ZNF839: variants seen among roughly 807,000 people sequenced by gnomAD.
ZNF839 encodes the protein renal carcinoma antigen NY-REN-50.
ZNF839 carries 38 observed loss-of-function variants against 56.4 expected under a neutral mutation model. That is an observed-to-expected ratio of 0.67 (90% CI 0.52 to 0.88). The LOEUF is 0.88. Ranked by LOEUF, ZNF839 falls within the 40% of genes least tolerant of loss-of-function variation. The pLI, the probability that ZNF839 is intolerant of heterozygous loss-of-function variation, is 0.00. For missense variants in ZNF839, 1,091 were observed against 1,177.6 expected (o/e 0.93, Z 1.08); for synonymous variants, 486 against 493.5 (o/e 0.98, Z 0.20).
intron 1 of ZNF839, 56 bp downstream of exon 1, chr14:102,320,109 G>A (rs2073045088): frequency 8.8e-7 from 1 of 1,136,128 alleles, no homozygotes; most frequent in Non-Finnish European, 1.1e-6. Context: ...CCGACGCCCC[G>A]CGGCGGGGTA....
chr14:102,334,583 G>C lies in ZNF839; in HGVS notation c.1446G>C (p.Leu482=), dbSNP rs2073933938. ...TCCAGCAGTGTGACCGGGAGGATCTGGTGGAATTGGCTCTGCCTCAGCTGG... is the reference window on the plus strand; with the variant it reads ...TCCAGCAGTGTGACCGGGAGGATCTCGTGGAATTGGCTCTGCCTCAGCTGG... ...EFLQQCDRED[L]VELALPQLAQ... Residue 482 remains leucine, a synonymous_variant, in exon 4 of 8, where the codon CTG becomes CTC. Coordinates refer to ENST00000442396, the MANE Select transcript of ZNF839 (RefSeq NM_018335.6). 6.2e-7 allele frequency: 1 copy of C among 1,612,122 alleles called. No homozygotes were observed. The highest frequency in any genetic ancestry group is 8.5e-7 in the Non-Finnish European group (1 of 1,179,232).
intron 7 of ZNF839, 34 bp from the exon 8 acceptor site, chr14:102,341,289 C>A (rs776918666): frequency 6.6e-7 from 1 of 1,513,020 alleles, no homozygotes; most frequent in African/African-American, 1.4e-5. Context: ...TGACACAGTA[C>A]ACGCCATGTT....
Position 102,326,623 on chromosome 14 carries a change from G to A in ZNF839, c.927G>A (p.Arg309=). 3 of 1,613,576 alleles carry A rather than the reference G, an allele frequency of 1.9e-6. No homozygotes were observed. Among genetic ancestry groups the A allele is most frequent in the Non-Finnish European group, 2.5e-6 (3 of 1,179,742 alleles). ...TTGACTTATCGAGCTGCTCCCTGAG[G>A]CCCAAAAGCTTTAAGTGTCAGACTT... ...ALFDLSSCSL[R]PKSFKCQTCE... is the part of the protein sequence containing the mutation. The change falls in exon 2 of 8, where the codon AGG becomes AGA. Residue 309 remains arginine, a synonymous_variant. Transcript: ENST00000442396. The surrounding 1 kb of genome is among the most constrained non-coding windows in gnomAD (Gnocchi z 4.3).
At chr14:102,341,297 G>A in intron 7 of ZNF839, 26 bp from the exon 8 acceptor site, 1 of 1,514,900 alleles carries the variant, frequency 6.6e-7, no homozygotes, top group Non-Finnish European at 8.8e-7. Context: ...TACACGCCAT[G>A]TTCACCTGTT....
chr14:102,329,173 G>A (rs1011325229), intron 2 of ZNF839, among the ~76,000 whole-genome samples: 1 of 152,056 alleles, frequency 6.6e-6, no homozygotes, highest in African/African-American at 2.4e-5. Context: ...GTTTCACCAT[G>A]TTAGCCAAGA....
chr14:102,333,940 G>A (rs1265045496), intron 3 of ZNF839, among the ~76,000 whole-genome samples: 2 of 152,114 alleles, frequency 1.3e-5, no homozygotes, highest in Non-Finnish European at 1.5e-5. Context: ...TCCTGTGGTC[G>A]CTAAGCCTGG....
At chr14:102,324,776 C>T (rs1392319527) in intron 1 of ZNF839, among the ~76,000 whole-genome samples, 1 of 151,912 alleles carries the variant, frequency 6.6e-6, no homozygotes, top group Non-Finnish European at 1.5e-5. Context: ...TGGTGAAACC[C>T]TGTCTCTACT....
chr14:102,332,613 A>G lies in ZNF839; in HGVS notation c.1416+767A>G, dbSNP rs1302527355. Among the ~76,000 whole-genome samples the G allele has an allele frequency of 6.6e-6, 1 of 152,120 alleles. No individual in the cohort carries two copies. Among genetic ancestry groups the G allele is most frequent in the Non-Finnish European group, 1.5e-5 (1 of 68,014 alleles). On this transcript the variant is annotated intron_variant, in intron 3 of 7. Transcript: ENST00000442396. This position sits in a 1 kb window ranked among gnomAD's most constrained non-coding sequence, Gnocchi z 4.9. ...AGGACAGTCAAACCAGTCATCTGAC[A>G]AAACTGTCAGTTGAGGCCGGGCACG...
In ZNF839 at chr14:102,326,706, G is replaced by A. The variant is rs1286097612; in HGVS notation, c.1010G>A (p.Gly337Asp). 6.2e-7 allele frequency: 1 copy of A among 1,612,538 alleles called. No individual in the cohort carries two copies. The highest frequency in any genetic ancestry group is 8.5e-7 in the Non-Finnish European group (1 of 1,179,438). Reference sequence around the variant, plus strand: ...GCCCGACATTTTAAACTTAACCCAGGCCACGGCCAGTTGGACCCCGAGATG... The same window carrying A: ...GCCCGACATTTTAAACTTAACCCAGACCACGGCCAGTTGGACCCCGAGATG... ...GLARHFKLNP[G>D]HGQLDPEMVL... Residue 337 changes from glycine to aspartate, a missense_variant, in exon 2 of 8, where the codon GGC becomes GAC. Around this residue, in one of 3 missense-constraint regions of ZNF839, gnomAD observed 614 missense variants for 629.2 expected, o/e 0.98. Coordinates refer to ENST00000442396, the MANE Select transcript of ZNF839 (RefSeq NM_018335.6). The surrounding 1 kb of genome is among the most constrained non-coding windows in gnomAD (Gnocchi z 4.3).
chr14:102,319,909 G>C lies in ZNF839; in HGVS notation c.144G>C (p.Val48=). The stretch of plus-strand genomic sequence containing the variant: ...AGCTGCGGCAGGTCCTGGAGCAGGT[G>C]ACGAAGGCGCAGCCGCCGCCGCCGC... The part of the protein sequence containing the change: ...PEQLRQVLEQ[V]TKAQPPPPPP... Residue 48 remains valine (V), a synonymous_variant, in exon 1 of 8, where the codon GTG becomes GTC. Transcript: ENST00000442396. The surrounding 1 kb of genome is among the most constrained non-coding windows in gnomAD (Gnocchi z 4.5). 8.2e-7 allele frequency: 1 copy of C among 1,218,482 alleles called. No homozygotes were observed. The highest frequency in any genetic ancestry group is 3.5e-5 in the Admixed American group (1 of 28,590). 75.5% of individuals were successfully genotyped at this position (1,218,482 alleles called of 1,614,324 possible). A position where few individuals can be genotyped will look rare whatever the true frequency, so the allele number is the denominator to read the frequency against.
At chr14:102,323,963 G>A (rs777798523) in intron 1 of ZNF839, among the ~76,000 whole-genome samples, 1 of 152,190 alleles carries the variant, frequency 6.6e-6, no homozygotes, top group African/African-American at 2.4e-5. Context: ...CAAGTTGCAG[G>A]AGATGATATC....
At chr14:102,335,536 C>A in intron 4 of ZNF839, 153 bp from the exon 5 acceptor site, 1 of 719,346 alleles carries the variant, frequency 1.4e-6, no homozygotes, top group Non-Finnish European at 2.2e-6. Context: ...ATGCGGGGCA[C>A]ACAGTAGGTG....
Position 102,338,565 on chromosome 14 carries a change from AGATT to A in ZNF839, c.1660-249_1660-246del, listed in dbSNP as rs912887375. ...AAAAAAAAAAAAAAAAAAAAAAAAA[AGATT>A]GGTCTCCTCCTCTAAATTGTGCTCA... On this transcript the variant is annotated intron_variant, in intron 5 of 7. Transcript: ENST00000442396. Among the ~76,000 whole-genome samples the A allele has an allele frequency of 2.0e-5, 3 of 149,916 alleles. No homozygotes were observed. In the South Asian group the frequency reaches 6.4e-4, roughly 32 times the overall value.
chr14:102,325,400 G>A (rs538992456), intron 1 of ZNF839, among the ~76,000 whole-genome samples: 14 of 151,900 alleles, frequency 9.2e-5, no homozygotes, highest in African/African-American at 3.4e-4. Flanking sequence ...ATATAGGGAT[G>A]GTAAGTAGTT....
chr14:102,328,411 T>C (rs60467899), intron 2 of ZNF839, among the ~76,000 whole-genome samples: 1 of 102,364 alleles, frequency 9.8e-6, no homozygotes, highest in African/African-American at 3.8e-5. Context: ...TATATATATA[T>C]GTATACACAC....
At position 102,332,593 on chromosome 14, in the gene ZNF839, A is replaced by G. The variant is rs931913908; in HGVS notation, c.1416+747A>G. Among the ~76,000 whole-genome samples, 1 of 152,118 alleles carries G rather than the reference A, an allele frequency of 6.6e-6. No homozygotes were observed. Among genetic ancestry groups the G allele is most frequent in the Admixed American group, 6.6e-5 (1 of 15,262 alleles). ...TCGGCTCTTAGGGGAGAAACAGGACAGTCAAACCAGTCATCTGACAAAACT... is the reference window on the plus strand; with the variant it reads ...TCGGCTCTTAGGGGAGAAACAGGACGGTCAAACCAGTCATCTGACAAAACT... On this transcript the variant is annotated intron_variant, in intron 3 of 7. Transcript: ENST00000442396. This position sits in a 1 kb window ranked among gnomAD's most constrained non-coding sequence, Gnocchi z 4.9.
At chr14:102,328,375 A>AAAAAAAAATATATATATATATATAT (rs1197718891) in intron 2 of ZNF839, among the ~76,000 whole-genome samples, 1 of 16,326 alleles carries the variant, frequency 6.1e-5, no homozygotes, top group Non-Finnish European at 1.4e-4. Context: ...AAAAAAAAAA[A>AAAAAAAAATATATATATATATATAT]ATATATATAT....
At chr14:102,335,916 T>C (rs1405651412) in intron 5 of ZNF839, 78 bp downstream of exon 5, 2 of 1,524,142 alleles carry the variant, frequency 1.3e-6, no homozygotes, top group African/African-American at 1.4e-5. Flanking sequence ...CAGTGGCTTA[T>C]GCTTGTAGTC....
intron 2 of ZNF839, among the ~76,000 whole-genome samples, chr14:102,329,705 T>TTGTG (rs58999642): frequency 1.8e-3 from 268 of 146,908 alleles, no homozygotes; most frequent in African/African-American, 6.2e-3. Flanking sequence ...ATTCTAATAT[T>TTGTG]TGTGTGTGTG....
Sources: allele counts gnomAD v4.1 joint callset (sites outside exome capture counted in the v4.1 genomes callset), GRCh38; gene constraint gnomAD v4.1.1; regional missense constraint gnomAD v4.1.1; non-coding constraint Gnocchi (gnomAD v3.1); transcripts MANE v1.5; gene names NCBI Gene and HGNC (gene_info 2026-07-23, HGNC 2026-07-21).